Variants in DIRAS1 observed in about 807,000 individuals in gnomAD.
DIRAS1 encodes the protein GTP-binding protein Di-Ras1.
DIRAS1 carries 3 observed loss-of-function variants against 11.5 expected under a neutral mutation model. The ratio of observed to expected loss-of-function variants is 0.26; its 90% CI spans 0.12 to 0.67. The LOEUF (loss-of-function observed/expected upper bound fraction) is 0.67. Ranked by LOEUF, DIRAS1 falls within the 30% of genes least tolerant of loss-of-function variation. The pLI, the probability that DIRAS1 is intolerant of heterozygous loss-of-function variation, is 0.80. For synonymous variants in DIRAS1, 128 were observed against 125.8 expected (o/e 1.02, Z -0.12); for missense variants, 212 against 285.3 (o/e 0.74, Z 1.85).
At position 2,716,957 on chromosome 19, in the gene DIRAS1, C is replaced by T. The variant is rs1913819625; in HGVS notation, c.*253G>A. The T allele has an allele frequency of 4.3e-6, 2 of 468,328 alleles. No homozygotes were observed. Among genetic ancestry groups the T allele is most frequent in the African/African-American group, 3.9e-5 (2 of 51,168 alleles). 29.0% of individuals were successfully genotyped at this position (468,328 alleles called of 1,614,324 possible). Reference sequence around the variant, plus strand: ...TTTTCCCATCTGCAGGACAAGGGGGCCACCTCCGGCTCTTGGTTTTGGAGG... The same window carrying T: ...TTTTCCCATCTGCAGGACAAGGGGGTCACCTCCGGCTCTTGGTTTTGGAGG... On this transcript the variant is annotated 3_prime_UTR_variant, in exon 2 of 2. Coordinates refer to ENST00000323469, the MANE Select transcript of DIRAS1 (RefSeq NM_145173.4).
chr19:2,717,935 G>C (rs1420326785), intron 1 of DIRAS1, 60 bp from the exon 2 acceptor site: 21 of 966,482 alleles, frequency 2.2e-5, no homozygotes, highest in Non-Finnish European at 2.8e-5. Context: ...ACAGCCCCAC[G>C]CCCCGGGGAG....
In DIRAS1 at chr19:2,717,396, C is replaced by G. The variant is rs1391183554; in HGVS notation, c.411G>C (p.Ala137=). Residue 137 remains alanine (A), a synonymous_variant, in exon 2 of 2, where the codon GCG becomes GCC. Coordinates refer to ENST00000323469, the MANE Select transcript of DIRAS1 (RefSeq NM_145173.4). ...QREVDTREAQ[A]VAQEWKCAFM... is the part of the protein sequence containing the mutation. ...AAGCGCACTTCCACTCCTGGGCCAC[C>G]GCCTGCGCCTCGCGCGTGTCCACCT... 1.2e-6 allele frequency: 2 copies of G among 1,607,804 alleles called. No individual in the cohort carries two copies. The highest frequency in any genetic ancestry group is 8.5e-7 in the Non-Finnish European group (1 of 1,179,970).
At position 2,715,540 on chromosome 19, in the gene DIRAS1, A is replaced by G. The variant is rs1030740886; in HGVS notation, c.*1670T>C. ...AATCCTTCCCCGATCAGGCCTTCAG[A>G]TGAGACCTCTGCCTGGCGAATGCTT... On this transcript the variant is annotated 3_prime_UTR_variant, in exon 2 of 2. Coordinates refer to ENST00000323469, the MANE Select transcript of DIRAS1 (RefSeq NM_145173.4). The G allele has an allele frequency of 8.5e-5, 13 of 152,190 alleles. No individual in the cohort carries two copies. The highest frequency in any genetic ancestry group is 2.9e-4 in the African/African-American group (12 of 41,446). The allele number at this position is 152,190 out of a possible 1,614,324, so 9.4% of individuals were successfully genotyped here.
In DIRAS1 at chr19:2,717,535, T is replaced by C. The variant is rs768451497; in HGVS notation, c.272A>G (p.Lys91Arg). The C allele has an allele frequency of 1.9e-6, 3 of 1,613,206 alleles. No homozygotes were observed. Among genetic ancestry groups the C allele is most frequent in the Non-Finnish European group, 1.7e-6 (2 of 1,179,902 alleles). ...AFILVFSVTS[K>R]QSLEELGPIY... ...GGGCCCCAGCTCCTCCAGCGACTGC[T>C]TGCTGGTGACGGAGAACACCAGGAT... is the stretch of plus-strand genomic sequence containing the variant. The change falls in exon 2 of 2, where the codon AAG (lysine) becomes AGG (arginine). Residue 91 changes from lysine (K) to arginine (R), a missense_variant. Lys to Arg is a conservative substitution (Grantham distance 26, BLOSUM62 2). Around this residue, in one of 2 missense-constraint regions of DIRAS1, gnomAD observed 128 missense variants for 205.3 expected, o/e 0.62. Coordinates refer to ENST00000323469, the MANE Select transcript of DIRAS1 (RefSeq NM_145173.4).
chr19:2,715,402 G>T lies in DIRAS1; in HGVS notation c.*1808C>A, dbSNP rs1330966610. 1 of 152,192 alleles carries T rather than the reference G, an allele frequency of 6.6e-6. No individual in the cohort carries two copies. Among genetic ancestry groups the T allele is most frequent in the East Asian group, 1.9e-4 (1 of 5,194 alleles). The allele number at this position is 152,192 out of a possible 1,614,324, so 9.4% of individuals were successfully genotyped here. On this transcript the variant is annotated 3_prime_UTR_variant, in exon 2 of 2. Transcript: ENST00000323469. ...AGCCCCGCTGTGGAGAGACCCACAT[G>T]GTACAGAACAAAGGGCAGCTTCCAG...
intron 1 of DIRAS1, among the ~76,000 whole-genome samples, chr19:2,719,595 G>A (rs1913907299): frequency 6.6e-6 from 1 of 151,846 alleles, no homozygotes; most frequent in Non-Finnish European, 1.5e-5. Flanking sequence ...TGGGGGGTGG[G>A]GGAGGGGTGT....
At position 2,720,048 on chromosome 19, in the gene DIRAS1, G is replaced by T. The variant is rs559921285; in HGVS notation, c.-70+1256C>A. On this transcript the variant is annotated intron_variant, in intron 1 of 1. Transcript: ENST00000323469. ...GCCAGGCAAACTTCTGGGCGCCTCGGCAATGCCAACTCATGTGATTGGCTG... is the reference window on the plus strand; with the variant it reads ...GCCAGGCAAACTTCTGGGCGCCTCGTCAATGCCAACTCATGTGATTGGCTG... 5.9e-5 allele frequency among the ~76,000 whole-genome samples: 9 copies of T among 152,236 alleles called. No individual in the cohort carries two copies. The South Asian group carries it at 1.2e-3, about 21-fold the overall frequency.
intron 1 of DIRAS1, among the ~76,000 whole-genome samples, 157 bp downstream of exon 1, chr19:2,721,147 A>C (rs1913947485): frequency 6.9e-6 from 1 of 144,138 alleles, no homozygotes; most frequent in African/African-American, 2.6e-5. Flanking sequence ...GCGGGAAGGG[A>C]CGGGGGACGC....
chr19:2,717,954 A>G lies in DIRAS1; in HGVS notation c.-69-79T>C, dbSNP rs996365244. On this transcript the variant is annotated intron_variant, in intron 1 of 1. Transcript: ENST00000323469. ...CCCCACGCCCCGGGGAGGGAGGAGG[A>G]CATGGCGGCTTCTCAGAGGAGGTGG... 3.7e-6 allele frequency: 3 copies of G among 814,152 alleles called. 1 individual carries two copies. The Middle Eastern group carries it at 1.1e-3, about 301-fold the overall frequency. 50.4% of individuals were successfully genotyped at this position (814,152 alleles called of 1,614,324 possible). A position where few individuals can be genotyped will look rare whatever the true frequency, so the allele number is the denominator to read the frequency against.
rs373248683 is a variant in DIRAS1 at position 2,718,796 on chromosome 19, G to A, written c.-69-921C>T. Among the ~76,000 whole-genome samples the A allele has an allele frequency of 1.5e-4, 22 of 150,508 alleles. No individual in the cohort carries two copies. The East Asian group carries it at 2.2e-3, about 15-fold the overall frequency. The stretch of plus-strand genomic sequence containing the variant: ...CACCTCGGCCTCCCAAAGTGCTGGG[G>A]TTACAGGCGTGAGCCACTGCACCTG... On this transcript the variant is annotated intron_variant, in intron 1 of 1. Coordinates refer to ENST00000323469, the MANE Select transcript of DIRAS1 (RefSeq NM_145173.4). The surrounding 1 kb of genome is among the most constrained non-coding windows in gnomAD (Gnocchi z 4.2).
At chr19:2,720,767 T>C (rs1913934852) in intron 1 of DIRAS1, among the ~76,000 whole-genome samples, 1 of 151,624 alleles carries the variant, frequency 6.6e-6, no homozygotes, top group African/African-American at 2.4e-5. Flanking sequence ...GGCGGGGGTC[T>C]GACCCAGGGC....
chr19:2,720,408 C>T (rs1473088878), intron 1 of DIRAS1, among the ~76,000 whole-genome samples: 1 of 152,228 alleles, frequency 6.6e-6, no homozygotes, highest in Non-Finnish European at 1.5e-5. Flanking sequence ...CCACTTCCCA[C>T]CTCCACCGCC....
rs1913770519 is a variant in DIRAS1 at position 2,715,603 on chromosome 19, GCCAA to G, written c.*1603_*1606del. 1 of 152,182 alleles carries G rather than the reference GCCAA, an allele frequency of 6.6e-6. No individual in the cohort carries two copies. Among genetic ancestry groups the G allele is most frequent in the Non-Finnish European group, 1.5e-5 (1 of 68,038 alleles). 9.4% of individuals were successfully genotyped at this position (152,182 alleles called of 1,614,324 possible). A position where few individuals can be genotyped will look rare whatever the true frequency, so the allele number is the denominator to read the frequency against. ...CCTGAGATCCCAAGTAGAGGACCCA[GCCAA>G]CCTGCACCCAGGCTCTTGACCCACA... On this transcript the variant is annotated 3_prime_UTR_variant, in exon 2 of 2. Transcript: ENST00000323469.
chr19:2,717,986 T>A, intron 1 of DIRAS1, 111 bp from the exon 2 acceptor site: 1 of 641,886 alleles, frequency 1.6e-6, no homozygotes, highest in Non-Finnish European at 2.7e-6. Context: ...GTGGCTGCCG[T>A]GCCTCCTGCC....
chr19:2,721,108 G>A (rs1913945247), intron 1 of DIRAS1, among the ~76,000 whole-genome samples, 196 bp downstream of exon 1: 1 of 149,372 alleles, frequency 6.7e-6, no homozygotes, highest in Non-Finnish European at 1.5e-5. Context: ...AGCTGTCCAA[G>A]GTGAGCGCGG....
At chr19:2,720,312 GC>G (rs1483971847) in intron 1 of DIRAS1, among the ~76,000 whole-genome samples, 1 of 152,180 alleles carries the variant, frequency 6.6e-6, no homozygotes, top group Non-Finnish European at 1.5e-5. Context: ...TGAAGCTCCA[GC>G]CCCCATGAGC....
At position 2,717,099 on chromosome 19, in the gene DIRAS1, A is replaced by T; in HGVS notation, c.*111T>A. 5.3e-6 allele frequency: 6 copies of T among 1,136,072 alleles called. No homozygotes were observed. Among genetic ancestry groups the T allele is most frequent in the African/African-American group, 1.8e-5 (1 of 56,214 alleles). 70.4% of individuals were successfully genotyped at this position (1,136,072 alleles called of 1,614,324 possible). On this transcript the variant is annotated 3_prime_UTR_variant, in exon 2 of 2. Transcript: ENST00000323469. Reference sequence around the variant, plus strand: ...GCGGTGGCCTCGGTTTCCCCAGCCGAGGTGTCGGAGGAAGGATGAGAGAAG... The same window carrying T: ...GCGGTGGCCTCGGTTTCCCCAGCCGTGGTGTCGGAGGAAGGATGAGAGAAG...
rs1412322732 is a variant in DIRAS1 at position 2,717,893 on chromosome 19, T to C, written c.-69-18A>G. 7.3e-7 allele frequency: 1 copy of C among 1,379,310 alleles called. No individual in the cohort carries two copies. Among genetic ancestry groups the C allele is most frequent in the South Asian group, 1.4e-5 (1 of 72,362 alleles). 85.4% of individuals were successfully genotyped at this position (1,379,310 alleles called of 1,614,324 possible). ...GACCGAGCCTGTGCAGAGAGGAGGG[T>C]CACACGTCAAAGGCCACCCAGGCTT... On this transcript the variant is annotated intron_variant, in intron 1 of 1. Coordinates refer to ENST00000323469, the MANE Select transcript of DIRAS1 (RefSeq NM_145173.4).
intron 1 of DIRAS1, among the ~76,000 whole-genome samples, chr19:2,719,380 A>G (rs1328142034): frequency 6.6e-6 from 1 of 151,960 alleles, no homozygotes; most frequent in Non-Finnish European, 1.5e-5. Flanking sequence ...GGATCCTTAG[A>G]ATAGCACTTC....
Sources: gnomAD v4.1 joint callset for allele counts (sites outside exome capture counted in the v4.1 genomes callset) on GRCh38, gnomAD v4.1.1 for gene constraint, gnomAD v4.1.1 regional missense constraint, Gnocchi (gnomAD v3.1) non-coding constraint, MANE v1.5 for transcripts, NCBI Gene and HGNC (gene_info 2026-07-23, HGNC 2026-07-21) for gene names.